FBN3: variants seen among roughly 807,000 people sequenced by gnomAD.
The protein encoded by FBN3 is fibrillin-3.
A neutral mutation model predicts 330.1 loss-of-function variants in FBN3; 234 were observed. That is an observed-to-expected ratio of 0.71 (90% CI 0.64 to 0.79). The LOEUF (loss-of-function observed/expected upper bound fraction) is 0.79, where lower values mean the gene tolerates loss of function less well. FBN3 is among the 30% of genes least tolerant of loss of function. The probability of loss-of-function intolerance (pLI) is 0.00; values close to 1 mark genes in which losing one functional copy is unlikely to be tolerated. For missense variants in FBN3, 3,606 were observed against 3,886.9 expected (o/e 0.93, Z 1.92); for synonymous variants, 1,458 against 1,517.3 (o/e 0.96, Z 0.91).
intron 46 of FBN3, among the ~76,000 whole-genome samples, chr19:8,094,970 TTTTA>T (rs939271335): frequency 2.0e-5 from 3 of 152,144 alleles, no homozygotes; most frequent in South Asian, 4.1e-4. Context: ...TTTATAATTA[TTTTA>T]TTTATTTATT....
rs745849403 is a variant in FBN3 at position 8,147,382 on chromosome 19, C to T, written c.99G>A (p.Trp33Ter). Residue 33 changes from tryptophan (W) to a stop codon, truncating the protein, a stop_gained, in exon 2 of 64, where the codon TGG (tryptophan) becomes TGA (stop). Coordinates refer to ENST00000600128, the MANE Select transcript of FBN3 (RefSeq NM_032447.5). LOFTEE classifies it high-confidence loss of function. ...LLCMAGGQGR[W>*]DGALEAAGPG... The stretch of plus-strand genomic sequence containing the variant: ...GACCTGCAGCCTCCAAGGCCCCGTC[C>T]CAGCGGCCTTGGCCACCTGCCATGC... The T allele has an allele frequency of 4.4e-6, 7 of 1,599,032 alleles. No homozygotes were observed. Among genetic ancestry groups the T allele is most frequent in the Non-Finnish European group, 6.0e-6 (7 of 1,174,448 alleles).
Position 8,138,333 on chromosome 19 carries a change from A to T in FBN3, c.1019-10T>A. On this transcript the variant is annotated splice_polypyrimidine_tract_variant and intron_variant, in intron 9 of 63. Transcript: ENST00000600128. ...AGTTGCTGGAATTCATCTGCAAGGA[A>T]GCAGGGTTGAGGCCAGGCCCTTGGC... 6.2e-7 allele frequency: 1 copy of T among 1,612,826 alleles called. No individual in the cohort carries two copies. The highest frequency in any genetic ancestry group is 2.2e-5 in the East Asian group (1 of 44,860).
chr19:8,134,124 C>T (rs2083221662), intron 13 of FBN3, among the ~76,000 whole-genome samples: 1 of 151,384 alleles, frequency 6.6e-6, no homozygotes, highest in African/African-American at 2.4e-5. Flanking sequence ...TGCCTGTGGT[C>T]CCAGTTACTC....
chr19:8,110,623 C>T (rs750067189), intron 34 of FBN3, among the ~76,000 whole-genome samples: 4 of 152,224 alleles, frequency 2.6e-5, no homozygotes, highest in African/African-American at 7.2e-5. Context: ...GAGACCCTTT[C>T]AGCAGCTAGC....
In FBN3 at chr19:8,131,802, A is replaced by G; in HGVS notation, c.1742T>C (p.Ile581Thr). Residue 581 changes from isoleucine (I) to threonine (T), a missense_variant, in exon 15 of 64, where the codon ATC (isoleucine) becomes ACC (threonine). Physicochemically the swap from Ile to Thr is moderately conservative, Grantham distance 89. Coordinates refer to ENST00000600128, the MANE Select transcript of FBN3 (RefSeq NM_032447.5). This position sits in a 1 kb window ranked among gnomAD's most constrained non-coding sequence, Gnocchi z 4.5. ...MDIDECQTPG[I>T]CVNGHCTNTE... is the part of the protein sequence containing the mutation. Reference sequence around the variant, plus strand: ...GTTGGTACAGTGGCCGTTCACGCAGATGCCGGGCGTCTGGCACTCGTCAAT... The same window carrying G: ...GTTGGTACAGTGGCCGTTCACGCAGGTGCCGGGCGTCTGGCACTCGTCAAT... The G allele has an allele frequency of 1.9e-6, 3 of 1,602,642 alleles. No homozygotes were observed. Among genetic ancestry groups the G allele is most frequent in the Non-Finnish European group, 2.6e-6 (3 of 1,171,630 alleles).
At chr19:8,081,175 C>T in intron 58 of FBN3, 56 bp from the exon 59 acceptor site, 1 of 1,547,268 alleles carries the variant, frequency 6.5e-7, no homozygotes, top group South Asian at 1.1e-5. Context: ...GGATTAGGGG[C>T]TTCCCAGGGG....
At chr19:8,079,733 G>C (rs1417163776) in intron 59 of FBN3, among the ~76,000 whole-genome samples, 1 of 152,068 alleles carries the variant, frequency 6.6e-6, no homozygotes, top group Non-Finnish European at 1.5e-5. Flanking sequence ...TGGGATTACA[G>C]GCGCCACCAC....
chr19:8,144,369 C>A (rs930246241), intron 6 of FBN3, among the ~76,000 whole-genome samples: 1 of 150,180 alleles, frequency 6.7e-6, no homozygotes, highest in South Asian at 2.1e-4. Context: ...TGCACTCTAG[C>A]CCGAAAGAGC....
chr19:8,100,858 G>T, intron 41 of FBN3, 43 bp downstream of exon 41: 1 of 1,546,796 alleles, frequency 6.5e-7, no homozygotes, highest in Non-Finnish European at 8.9e-7. Flanking sequence ...AGCAGACCCA[G>T]GTGGATGGGT....
intron 8 of FBN3, 119 bp downstream of exon 8, chr19:8,141,598 C>G: frequency 8.7e-7 from 1 of 1,150,008 alleles, no homozygotes; most frequent in Non-Finnish European, 1.2e-6. Flanking sequence ...TAAACAGGGA[C>G]AAGGTCAGAA....
chr19:8,129,352 A>G lies in FBN3; in HGVS notation c.2058T>C (p.Cys686=). 1 of 1,614,038 alleles carries G rather than the reference A, an allele frequency of 6.2e-7. No individual in the cohort carries two copies. Among genetic ancestry groups the G allele is most frequent in the South Asian group, 1.1e-5 (1 of 91,076 alleles). The change falls in exon 17 of 64, where the codon TGT becomes TGC. Residue 686 remains cysteine, a synonymous_variant. Transcript: ENST00000600128. This position sits in a 1 kb window ranked among gnomAD's most constrained non-coding sequence, Gnocchi z 4.5. ...ITTDGRDINE[C]ALDPEVCANG... is the part of the protein sequence containing the mutation. Reference sequence around the variant, plus strand: ...TGGCACAAACCTCAGGATCCAGAGCACACTCGTTGATGTCTGCGGCAGGAG... The same window carrying G: ...TGGCACAAACCTCAGGATCCAGAGCGCACTCGTTGATGTCTGCGGCAGGAG...
intron 13 of FBN3, 25 bp downstream of exon 13, chr19:8,135,936 G>GCACCC: frequency 9.0e-6 from 6 of 668,776 alleles, no homozygotes; most frequent in South Asian, 1.6e-5. Context: ...GGAAGCCCCT[G>GCACCC]CCCACCCGCC....
chr19:8,086,605 C>A (rs1251316779), intron 54 of FBN3, among the ~76,000 whole-genome samples: 6 of 144,658 alleles, frequency 4.1e-5, no homozygotes, highest in Non-Finnish European at 9.0e-5. Flanking sequence ...TACAGGTGCC[C>A]GCCGCCACGC....
intron 13 of FBN3, among the ~76,000 whole-genome samples, chr19:8,133,673 T>C (rs971852470): frequency 5.3e-5 from 8 of 151,926 alleles, no homozygotes; most frequent in South Asian, 2.1e-4. Context: ...AGGCTAGTCT[T>C]GAACTCCTGA....
At chr19:8,139,965 G>C (rs560505719) in intron 8 of FBN3, among the ~76,000 whole-genome samples, 3 of 151,850 alleles carry the variant, frequency 2.0e-5, no homozygotes, top group Admixed American at 6.6e-5. Flanking sequence ...CCCCAGGTAC[G>C]TGCGTGGGAG....
At chr19:8,085,257 A>ACACACACAGT in intron 56 of FBN3, 106 bp downstream of exon 56, 1 of 864,110 alleles carries the variant, frequency 1.2e-6, no homozygotes, top group Non-Finnish European at 1.8e-6. Flanking sequence ...ACACACACAC[A>ACACACACAGT]GTGTGGCTCA....
chr19:8,102,438 G>A (rs1483051238), intron 40 of FBN3, among the ~76,000 whole-genome samples: 2 of 151,826 alleles, frequency 1.3e-5, no homozygotes, highest in Admixed American at 6.6e-5. Context: ...GGCTGTTTTC[G>A]AATGCCTGAC....
Position 8,121,178 on chromosome 19 carries a change from A to G in FBN3, c.3211+80T>C. ...CCCCTCCATCCACGTCCACACAGCA[A>G]CAGCCGTCCCCACCCTCCCTCTCCT... On this transcript the variant is annotated intron_variant, in intron 25 of 63. Coordinates refer to ENST00000600128, the MANE Select transcript of FBN3 (RefSeq NM_032447.5). The surrounding 1 kb of genome is among the most constrained non-coding windows in gnomAD (Gnocchi z 4.5). 1 of 1,366,898 alleles carries G rather than the reference A, an allele frequency of 7.3e-7. No individual in the cohort carries two copies. The highest frequency in any genetic ancestry group is 1.0e-6 in the Non-Finnish European group (1 of 999,552). The allele number at this position is 1,366,898 out of a possible 1,614,324, so 84.7% of individuals were successfully genotyped here.
Position 8,090,160 on chromosome 19 carries a change from G to A in FBN3, c.6123C>T (p.Cys2041=). ...AFNTTKTRCC[C]SKRPGEGWGD... is the part of the protein sequence containing the mutation. ...CCCAGCCCTCCCCAGGCCTCTTACT[G>A]CAGCAGCAGCGGGTCTTGGTGGTGT... The change falls in exon 49 of 64, where the codon TGC becomes TGT. Residue 2041 remains cysteine, a synonymous_variant. Coordinates refer to ENST00000600128, the MANE Select transcript of FBN3 (RefSeq NM_032447.5). 1.9e-6 allele frequency: 3 copies of A among 1,614,056 alleles called. No homozygotes were observed. Among genetic ancestry groups the A allele is most frequent in the African/African-American group, 1.3e-5 (1 of 75,020 alleles).
Sources: gnomAD v4.1 joint callset for allele counts (sites outside exome capture counted in the v4.1 genomes callset) on GRCh38, gnomAD v4.1.1 for gene constraint, Gnocchi (gnomAD v3.1) non-coding constraint, MANE v1.5 for transcripts, NCBI Gene and HGNC (gene_info 2026-07-23, HGNC 2026-07-21) for gene names.